The following NELL1 variants were observed in gnomAD, a reference collection of about 807,000 sequenced individuals.
NELL1 encodes the protein protein kinase C-binding protein NELL1.
Under a neutral mutation model 107.4 loss-of-function variants are expected in NELL1, and 76 were observed. The ratio of observed to expected loss-of-function variants is 0.71; its 90% confidence interval spans 0.59 to 0.86. The LOEUF is 0.86. Ranked by LOEUF, NELL1 falls within the 40% of genes least tolerant of loss-of-function variation. The probability of loss-of-function intolerance (pLI) is 0.00; values close to 1 mark genes in which losing one functional copy is unlikely to be tolerated. For missense variants in NELL1, 1,024 were observed against 1,005.5 expected (o/e 1.02, Z -0.25); for synonymous variants, 353 against 341.2 (o/e 1.03, Z -0.38).
At chr11:21,473,493 C>T (rs943728732) in intron 15 of NELL1, among the ~76,000 whole-genome samples, 11 of 151,900 alleles carry the variant, frequency 7.2e-5, no homozygotes, top group African/African-American at 2.4e-4. Context: ...CATATTTTAA[C>T]GAGGAGTTTC....
intron 15 of NELL1, among the ~76,000 whole-genome samples, chr11:21,512,942 G>A (rs1175993193): frequency 2.6e-5 from 4 of 152,120 alleles, no homozygotes; most frequent in Non-Finnish European, 5.9e-5. Context: ...ATATTTGATG[G>A]GTTAAAAATG....
chr11:21,389,751 TA>T (rs1190301101), intron 15 of NELL1, among the ~76,000 whole-genome samples: 1 of 151,864 alleles, frequency 6.6e-6, no homozygotes, highest in African/African-American at 2.4e-5. Flanking sequence ...GAATTGGTTG[TA>T]ATTTGTTATT....
intron 15 of NELL1, among the ~76,000 whole-genome samples, chr11:21,513,594 G>C (rs1855491643): frequency 6.6e-6 from 1 of 152,138 alleles, no homozygotes; most frequent in Admixed American, 6.6e-5. Flanking sequence ...CTCTGAGTCA[G>C]TCAGAGATTG....
rs890766810 is a variant in NELL1 at position 21,038,944 on chromosome 11, G to A, written c.1301-74645G>A. Among the ~76,000 whole-genome samples the A allele has an allele frequency of 7.2e-5, 11 of 152,094 alleles. 1 individual carries two copies. The highest frequency in any genetic ancestry group is 2.4e-4 in the African/African-American group (10 of 41,410). On this transcript the variant is annotated intron_variant, in intron 12 of 19. Coordinates refer to ENST00000357134, the MANE Select transcript of NELL1 (RefSeq NM_006157.5). ...CTCTTTGAAGGAAGTAGTGAGTGCT[G>A]ACTTACATTCTGATGTGAACTCCTT...
intron 13 of NELL1, among the ~76,000 whole-genome samples, chr11:21,205,508 C>T (rs527418186): frequency 5.3e-5 from 8 of 152,288 alleles, no homozygotes; most frequent in African/African-American, 1.9e-4. Context: ...TTCAGACCGC[C>T]GTGCTGGCAG....
intron 15 of NELL1, among the ~76,000 whole-genome samples, chr11:21,507,210 TTTC>T (rs1320007394): frequency 2.6e-5 from 4 of 152,234 alleles, no homozygotes; most frequent in Non-Finnish European, 2.9e-5. Context: ...TTCACAGTTT[TTTC>T]TTCTTCATTG....
chr11:21,327,516 T>C (rs970049632), intron 14 of NELL1, among the ~76,000 whole-genome samples: 6 of 152,104 alleles, frequency 3.9e-5, no homozygotes, highest in Non-Finnish European at 8.8e-5. Flanking sequence ...CTCTTTCCTT[T>C]ATAAATTACC....
At chr11:20,871,632 A>ATT (rs141890640) in intron 4 of NELL1, among the ~76,000 whole-genome samples, 2 of 140,696 alleles carry the variant, frequency 1.4e-5, no homozygotes, top group African/African-American at 4.9e-5. Context: ...CTACTTTCTC[A>ATT]TTTTTTTTTT....
chr11:20,973,577 T>G (rs1046527143), intron 12 of NELL1, among the ~76,000 whole-genome samples: 1 of 152,200 alleles, frequency 6.6e-6, no homozygotes, highest in Non-Finnish European at 1.5e-5. Flanking sequence ...ATGGATAAAC[T>G]TTAGTGCTCT....
intron 5 of NELL1, among the ~76,000 whole-genome samples, chr11:20,904,035 T>C (rs1849937004): frequency 6.6e-6 from 1 of 152,086 alleles, no homozygotes; most frequent in Non-Finnish European, 1.5e-5. Context: ...GCAGACCTTA[T>C]TCACAAATTA....
chr11:21,575,010 T>G lies in NELL1; in HGVS notation c.2421T>G (p.Leu807=). 1.2e-6 allele frequency: 2 copies of G among 1,610,498 alleles called. No homozygotes were observed. Among genetic ancestry groups the G allele is most frequent in the Non-Finnish European group, 1.7e-6 (2 of 1,177,574 alleles). ...GTTGTTCTGTGGATTTTGAGTGTCTTCAAAATAATTGAAGTATTTACAGTG... is the reference window on the plus strand; with the variant it reads ...GTTGTTCTGTGGATTTTGAGTGTCTGCAAAATAATTGAAGTATTTACAGTG... ...RVCCSVDFEC[L]QNN The change falls in exon 20 of 20, where the codon CTT becomes CTG. Residue 807 remains leucine (L), a synonymous_variant. Transcript: ENST00000357134.
At chr11:20,967,248 C>G (rs1851404969) in intron 12 of NELL1, among the ~76,000 whole-genome samples, 2 of 151,966 alleles carry the variant, frequency 1.3e-5, no homozygotes, top group South Asian at 4.2e-4. Context: ...GAAACAAGAC[C>G]CTGCAAATTC....
intron 2 of NELL1, among the ~76,000 whole-genome samples, chr11:20,732,520 T>C (rs12364791): frequency 0.12 from 18,171 of 152,120 alleles, 1,181 homozygotes; most frequent in Non-Finnish European, 0.15. Flanking sequence ...CCTGAATGAC[T>C]CCCAGGTGGT....
chr11:20,983,381 A>G (rs1851787510), intron 12 of NELL1, among the ~76,000 whole-genome samples: 1 of 151,386 alleles, frequency 6.6e-6, no homozygotes, highest in Admixed American at 6.6e-5. Context: ...CATAACTCTG[A>G]TAAGTGGTTT....
At chr11:21,061,070 T>G (rs769834124) in intron 12 of NELL1, among the ~76,000 whole-genome samples, 1 of 152,102 alleles carries the variant, frequency 6.6e-6, no homozygotes, top group African/African-American at 2.4e-5. Flanking sequence ...GGGACTTTGA[T>G]ATTGCAAAGC....
rs147343810 is a variant in NELL1, at chr11:21,261,943, G to A, written c.1549+32489G>A. Among the ~76,000 whole-genome samples, 1,042 of 151,782 alleles carry A rather than the reference G, an allele frequency of 6.9e-3. 9 individuals carry two copies. The highest frequency in any genetic ancestry group is 0.024 in the Middle Eastern group (7 of 294). On this transcript the variant is annotated intron_variant, in intron 14 of 19. Coordinates refer to ENST00000357134, the MANE Select transcript of NELL1 (RefSeq NM_006157.5). Reference sequence around the variant, plus strand: ...CTTTGCTACTTTGTGATATTTTTAAGTTTTCATTTTTTTACACACCTCTCC... The same window carrying A: ...CTTTGCTACTTTGTGATATTTTTAAATTTTCATTTTTTTACACACCTCTCC...
chr11:21,133,667 T>TCAAAATCAGCAACCCAGG (rs1342536317), intron 13 of NELL1, among the ~76,000 whole-genome samples: 1 of 151,912 alleles, frequency 6.6e-6, no homozygotes, highest in African/African-American at 2.4e-5. Flanking sequence ...TGGCCTCAAC[T>TCAAAATCAGCAACCCAGG]TTGCTCCAAA....
intron 13 of NELL1, among the ~76,000 whole-genome samples, chr11:21,137,253 C>T (rs1215647969): frequency 1.3e-5 from 2 of 152,158 alleles, no homozygotes; most frequent in Non-Finnish European, 1.5e-5. Context: ...GGTATACGAC[C>T]AGTGTCCTGG....
intron 13 of NELL1, among the ~76,000 whole-genome samples, chr11:21,158,424 G>A (rs1416122340): frequency 3.3e-5 from 5 of 152,208 alleles, no homozygotes; most frequent in African/African-American, 1.2e-4. Context: ...AGGCTTAAAT[G>A]AGAGGATTAA....
Sources: allele counts gnomAD v4.1 joint callset (sites outside exome capture counted in the v4.1 genomes callset), GRCh38; gene constraint gnomAD v4.1.1; transcripts MANE v1.5; gene names NCBI Gene and HGNC (gene_info 2026-07-23, HGNC 2026-07-21).